The following ATP8B4 variants were observed in gnomAD, a reference collection of about 807,000 sequenced individuals.
The protein encoded by ATP8B4 is probable phospholipid-transporting ATPase IM.
ATP8B4 carries 133 observed loss-of-function variants against 145.6 expected under a neutral mutation model. The observed-to-expected ratio is 0.91, with a 90% CI of 0.79 to 1.05. The LOEUF (loss-of-function observed/expected upper bound fraction) is 1.05, where lower values mean the gene tolerates loss of function less well. Ranked by LOEUF, ATP8B4 falls within the 50% of genes least tolerant of loss-of-function variation. ATP8B4 has a pLI of 0.00. For missense variants in ATP8B4, 1,458 were observed against 1,425.2 expected (o/e 1.02, Z -0.37); for synonymous variants, 507 against 492.9 (o/e 1.03, Z -0.38).
At chr15:49,862,808 A>T (rs1482644609) in intron 26 of ATP8B4, among the ~76,000 whole-genome samples, 4 of 152,180 alleles carry the variant, frequency 2.6e-5, no homozygotes, top group Admixed American at 6.5e-5. Context: ...CATGATGATA[A>T]GAAGGCAGAA....
chr15:49,927,119 TATA>T (rs1450489452), intron 16 of ATP8B4, among the ~76,000 whole-genome samples: 1 of 152,178 alleles, frequency 6.6e-6, no homozygotes, highest in Non-Finnish European at 1.5e-5. Context: ...TCCAAAACTA[TATA>T]ATGTCATTTA....
At chr15:49,933,340 C>T (rs1252281847) in intron 15 of ATP8B4, among the ~76,000 whole-genome samples, 1 of 151,954 alleles carries the variant, frequency 6.6e-6, no homozygotes, top group African/African-American at 2.4e-5. Flanking sequence ...AATTAGTGGG[C>T]TGAGGAAAAC....
intron 3 of ATP8B4, among the ~76,000 whole-genome samples, chr15:50,048,066 G>A (rs1600067587): frequency 6.6e-6 from 1 of 151,966 alleles, no homozygotes; most frequent in East Asian, 1.9e-4. Flanking sequence ...AGGAGCATGT[G>A]TGCAGGCTTG....
intron 1 of ATP8B4, among the ~76,000 whole-genome samples, chr15:50,125,143 G>A (rs1234840061): frequency 1.3e-5 from 2 of 152,054 alleles, no homozygotes; most frequent in African/African-American, 2.4e-5. Flanking sequence ...CAACAATCAG[G>A]GCATTTACAA....
chr15:50,012,194 G>GTATGAAT (rs1430828308), intron 6 of ATP8B4, among the ~76,000 whole-genome samples: 1 of 152,086 alleles, frequency 6.6e-6, no homozygotes, highest in African/African-American at 2.4e-5. Context: ...ATCTTTACAG[G>GTATGAAT]TATGAATTAT....
chr15:50,071,603 T>C (rs1260480232), intron 3 of ATP8B4, among the ~76,000 whole-genome samples: 1 of 152,220 alleles, frequency 6.6e-6, no homozygotes, highest in Non-Finnish European at 1.5e-5. Context: ...TGGTCAAGCC[T>C]TTCAGAGGTC....
chr15:50,166,776 T>G (rs565753095), intron 1 of ATP8B4, among the ~76,000 whole-genome samples: 1 of 152,266 alleles, frequency 6.6e-6, no homozygotes, highest in South Asian at 2.1e-4. Context: ...GCAGAAAGAT[T>G]TGCAGGGAGA....
chr15:50,113,152 C>A (rs1286356389), intron 1 of ATP8B4: 3 of 152,314 alleles, frequency 2.0e-5, no homozygotes, highest in Non-Finnish European at 2.9e-5. Flanking sequence ...GTAGGGGTGA[C>A]CTTGCTGTCC....
intron 1 of ATP8B4, among the ~76,000 whole-genome samples, chr15:50,165,044 CCTTTT>C (rs971744866): frequency 6.6e-6 from 1 of 151,978 alleles, no homozygotes. Flanking sequence ...ATACCTCTTT[CCTTTT>C]TTTTTCTTTT....
intron 7 of ATP8B4, among the ~76,000 whole-genome samples, chr15:50,004,644 A>C (rs1345873976): frequency 1.3e-5 from 2 of 152,204 alleles, no homozygotes; most frequent in Non-Finnish European, 2.9e-5. Flanking sequence ...ATTTTATTTA[A>C]CATTCACAGA....
chr15:50,147,340 G>A (rs1227960895), intron 1 of ATP8B4, among the ~76,000 whole-genome samples: 1 of 150,478 alleles, frequency 6.6e-6, no homozygotes, highest in African/African-American at 2.4e-5. Context: ...CGCTTGAACT[G>A]GGGAGGCGGA....
At chr15:49,986,329 T>C (rs141605702) in intron 10 of ATP8B4, among the ~76,000 whole-genome samples, 4 of 152,336 alleles carry the variant, frequency 2.6e-5, no homozygotes, top group Admixed American at 6.5e-5. Context: ...TCCCTATCAT[T>C]AAGTAGGAAG....
intron 14 of ATP8B4, among the ~76,000 whole-genome samples, chr15:49,951,476 T>G (rs577570956): frequency 2.6e-5 from 4 of 152,226 alleles, no homozygotes; most frequent in Non-Finnish European, 5.9e-5. Flanking sequence ...TTTTTTATCT[T>G]TCTTGGTTTA....
intron 2 of ATP8B4, among the ~76,000 whole-genome samples, chr15:50,093,866 T>C (rs2055777064): frequency 6.6e-6 from 1 of 152,154 alleles, no homozygotes; most frequent in South Asian, 2.1e-4. Flanking sequence ...AATTAAACTT[T>C]AATACAATAA....
chr15:49,901,020 A>G (rs1050888011), intron 21 of ATP8B4, 72 bp downstream of exon 21: 5 of 1,537,692 alleles, frequency 3.3e-6, no homozygotes, highest in Non-Finnish European at 3.5e-6. Flanking sequence ...AGGAGGTCTC[A>G]TTATGATAGC....
intron 6 of ATP8B4, among the ~76,000 whole-genome samples, chr15:50,029,331 G>A (rs900809531): frequency 6.6e-6 from 1 of 151,598 alleles, no homozygotes; most frequent in Admixed American, 6.6e-5. Context: ...TGTTAGCAAG[G>A]CTGTAAACCC....
Position 50,008,672 on chromosome 15 carries a change from G to A in ATP8B4, c.435+2173C>T, listed in dbSNP as rs188497054. ...CAAATTCAAATATAAAGGCTAGATG[G>A]CCAATTGGAGCCTAGATCTGCTGGC... On this transcript the variant is annotated intron_variant, in intron 7 of 27. Transcript: ENST00000284509. 3.9e-5 allele frequency among the ~76,000 whole-genome samples: 6 copies of A among 152,240 alleles called. No individual in the cohort carries two copies. In the East Asian group the frequency reaches 5.8e-4, roughly 15 times the overall value.
intron 1 of ATP8B4, among the ~76,000 whole-genome samples, chr15:50,154,267 TA>T (rs1160159770): frequency 6.6e-6 from 1 of 152,144 alleles, no homozygotes; most frequent in Non-Finnish European, 1.5e-5. Context: ...TTAACATATC[TA>T]ACCAAAAATA....
rs370694614 is a variant in ATP8B4, at chr15:49,987,385, C to T, written c.748+6G>A. ...CACAGAGCTGGCCTTGGGTCACATG[C>T]TGTACCTGCAAAAATAACCATTCCA... On this transcript the variant is annotated splice_donor_region_variant and intron_variant, in intron 10 of 27. Transcript: ENST00000284509. 2.9e-5 allele frequency: 46 copies of T among 1,612,976 alleles called. 1 individual carries two copies. The African/African-American group carries it at 6.1e-4, about 22-fold the overall frequency.
Sources: gnomAD v4.1 joint callset for allele counts (sites outside exome capture counted in the v4.1 genomes callset) on GRCh38, gnomAD v4.1.1 for gene constraint, MANE v1.5 for transcripts, NCBI Gene and HGNC (gene_info 2026-07-23, HGNC 2026-07-21) for gene names.